Variants in KLHL6 observed in about 807,000 individuals in gnomAD.
KLHL6 encodes kelch-like protein 6.
A neutral mutation model predicts 58.6 loss-of-function variants in KLHL6; 41 were observed. The observed-to-expected ratio is 0.70, with a 90% confidence interval of 0.55 to 0.91. The LOEUF is 0.91. KLHL6 is among the 40% of genes least tolerant of loss of function. The pLI is 0.00. For missense variants in KLHL6, 714 were observed against 805.6 expected (o/e 0.89, Z 1.38); for synonymous variants, 338 against 322.7 (o/e 1.05, Z -0.51).
chr3:183,492,390 G>A lies in KLHL6; in HGVS notation c.1564+104C>T, dbSNP rs941907395. 7.3e-6 allele frequency: 10 copies of A among 1,366,514 alleles called. No homozygotes were observed. The highest frequency in any genetic ancestry group is 1.4e-5 in the African/African-American group (1 of 69,984). The allele number at this position is 1,366,514 out of a possible 1,614,324, so 84.6% of individuals were successfully genotyped here. On this transcript the variant is annotated intron_variant, in intron 6 of 6. Coordinates refer to ENST00000341319, the MANE Select transcript of KLHL6 (RefSeq NM_130446.4). The surrounding 1 kb of genome is among the most constrained non-coding windows in gnomAD (Gnocchi z 5.9). ...AAAGCCAGAGTGGGTCCTAGGGGCA[G>A]TGAGTTGCCAGCGCTGGAGACACCG...
At chr3:183,539,516 T>G (rs1032958732) in intron 1 of KLHL6, among the ~76,000 whole-genome samples, 1 of 152,056 alleles carries the variant, frequency 6.6e-6, no homozygotes, top group African/African-American at 2.4e-5. Flanking sequence ...AAGACCAGCC[T>G]GGCCAACACA....
At chr3:183,513,709 C>CTT (rs55646463) in intron 2 of KLHL6, among the ~76,000 whole-genome samples, 18 of 151,448 alleles carry the variant, frequency 1.2e-4, no homozygotes, top group African/African-American at 2.4e-4. Context: ...GCATGTATTT[C>CTT]TTTTTTTTTA....
intron 2 of KLHL6, among the ~76,000 whole-genome samples, chr3:183,512,711 G>A (rs1482203379): frequency 1.3e-5 from 2 of 151,984 alleles, no homozygotes; most frequent in Admixed American, 6.5e-5. Flanking sequence ...GGCTGGTCTC[G>A]AACTCCTGAC....
intron 1 of KLHL6, among the ~76,000 whole-genome samples, chr3:183,531,359 A>T (rs12493338): frequency 0.45 from 67,440 of 151,404 alleles, 17,358 homozygotes; most frequent in Non-Finnish European, 0.58. Flanking sequence ...GAAGCCTTGA[A>T]ATCTAATGGA....
intron 1 of KLHL6, among the ~76,000 whole-genome samples, chr3:183,548,183 T>C (rs1030866792): frequency 6.6e-6 from 1 of 152,166 alleles, no homozygotes; most frequent in Non-Finnish European, 1.5e-5. Flanking sequence ...TCTGAAAATA[T>C]ATGGGACCTC....
intron 1 of KLHL6, among the ~76,000 whole-genome samples, chr3:183,534,287 T>A (rs17670550): frequency 6.7e-4 from 101 of 151,136 alleles, no homozygotes; most frequent in Non-Finnish European, 1.3e-3. Flanking sequence ...CCTGGAGGAG[T>A]TGGAAGATCA....
intron 2 of KLHL6, among the ~76,000 whole-genome samples, chr3:183,519,435 T>C (rs1711669759): frequency 6.6e-6 from 1 of 152,140 alleles, no homozygotes; most frequent in African/African-American, 2.4e-5. Context: ...CCAGGACAGA[T>C]GCCTCTTTTT....
At chr3:183,501,879 T>C (rs1577178833) in intron 3 of KLHL6, among the ~76,000 whole-genome samples, 1 of 152,338 alleles carries the variant, frequency 6.6e-6, no homozygotes, top group Non-Finnish European at 1.5e-5. Context: ...GCCCTTTTCA[T>C]GCTTCATTGT....
chr3:183,534,172 C>CTTTAAT (rs1712284261), intron 1 of KLHL6, among the ~76,000 whole-genome samples: 1 of 22,338 alleles, frequency 4.5e-5, no homozygotes, highest in African/African-American at 2.1e-4. Context: ...AAAGACATTA[C>CTTTAAT]TTTAAAAGTA....
At position 183,508,357 on chromosome 3, in the gene KLHL6, A is replaced by G. The variant is rs1341305711; in HGVS notation, c.611T>C (p.Ile204Thr). 1.2e-6 allele frequency: 2 copies of G among 1,614,074 alleles called. No individual in the cohort carries two copies. The highest frequency in any genetic ancestry group is 1.3e-5 in the African/African-American group (1 of 74,924). ...QSYIIQNFVQ[I>T]LNSEEFLDLP... Reference sequence around the variant, plus strand: ...GTCAAGAAACTCCTCAGAGTTCAGAATCTGCACAAAGTTTTGAATGATGTA... The same window carrying G: ...GTCAAGAAACTCCTCAGAGTTCAGAGTCTGCACAAAGTTTTGAATGATGTA... Residue 204 changes from isoleucine (I) to threonine (T), a missense_variant, in exon 3 of 7, where the codon ATT becomes ACT. Ile to Thr is a moderately conservative substitution (Grantham distance 89). This residue lies in a region of KLHL6 where 510 missense variants were observed against 629.7 expected (regional missense o/e 0.81). Coordinates refer to ENST00000341319, the MANE Select transcript of KLHL6 (RefSeq NM_130446.4).
rs1717535852 is a variant in KLHL6 at position 183,491,047 on chromosome 3, G to A, written c.*880C>T. Reference sequence around the variant, plus strand: ...CACCTTTATTTCCCTGCTGTGCTGAGTGAATCTTTTAGCAGACTTGCCGAA... The same window carrying A: ...CACCTTTATTTCCCTGCTGTGCTGAATGAATCTTTTAGCAGACTTGCCGAA... On this transcript the variant is annotated 3_prime_UTR_variant, in exon 7 of 7. Coordinates refer to ENST00000341319, the MANE Select transcript of KLHL6 (RefSeq NM_130446.4). 1 of 152,222 alleles carries A rather than the reference G, an allele frequency of 6.6e-6. No homozygotes were observed. The highest frequency in any genetic ancestry group is 1.5e-5 in the Non-Finnish European group (1 of 68,048). 9.4% of individuals were successfully genotyped at this position (152,222 alleles called of 1,614,324 possible). A position where few individuals can be genotyped will look rare whatever the true frequency, so the allele number is the denominator to read the frequency against.
At position 183,487,797 on chromosome 3, in the gene KLHL6, A is replaced by G. The variant is rs1577169997; in HGVS notation, c.*4130T>C. On this transcript the variant is annotated 3_prime_UTR_variant, in exon 7 of 7. Coordinates refer to ENST00000341319, the MANE Select transcript of KLHL6 (RefSeq NM_130446.4). ...GGATTTCTAAAAGGTTAACTTGTCA[A>G]ATTATGAGATCTAATACAACACCCA... is the stretch of plus-strand genomic sequence containing the variant. 1 of 152,226 alleles carries G rather than the reference A, an allele frequency of 6.6e-6. No homozygotes were observed. Among genetic ancestry groups the G allele is most frequent in the African/African-American group, 2.4e-5 (1 of 41,460 alleles). 9.4% of individuals were successfully genotyped at this position (152,226 alleles called of 1,614,324 possible).
At chr3:183,542,868 A>T (rs1257909859) in intron 1 of KLHL6, among the ~76,000 whole-genome samples, 1 of 147,024 alleles carries the variant, frequency 6.8e-6, no homozygotes, top group Non-Finnish European at 1.5e-5. Flanking sequence ...GGATGGATGG[A>T]TGGATGGATG....
At chr3:183,504,921 A>G (rs1461618566) in intron 3 of KLHL6, among the ~76,000 whole-genome samples, 1 of 152,112 alleles carries the variant, frequency 6.6e-6, no homozygotes, top group Non-Finnish European at 1.5e-5. Context: ...TGTGTACTCA[A>G]TGTTTAGCTC....
At chr3:183,555,122 G>A (rs1042886090) in intron 1 of KLHL6, among the ~76,000 whole-genome samples, 4 of 151,986 alleles carry the variant, frequency 2.6e-5, no homozygotes, top group East Asian at 3.9e-4. Context: ...CCGAGATTGC[G>A]CCATTGCACT....
At chr3:183,551,756 T>C (rs2108701621) in intron 1 of KLHL6, among the ~76,000 whole-genome samples, 1 of 152,266 alleles carries the variant, frequency 6.6e-6, no homozygotes, top group South Asian at 2.1e-4. Context: ...AAATAGAAGT[T>C]GAAAGTGGTA....
chr3:183,518,815 G>A (rs1450656705), intron 2 of KLHL6, among the ~76,000 whole-genome samples: 2 of 152,116 alleles, frequency 1.3e-5, no homozygotes, highest in South Asian at 2.1e-4. Context: ...GTGAGAGAAC[G>A]GATGACAAAG....
chr3:183,497,249 C>CA (rs1325424460), intron 4 of KLHL6, among the ~76,000 whole-genome samples: 1 of 152,034 alleles, frequency 6.6e-6, no homozygotes, highest in Non-Finnish European at 1.5e-5. Flanking sequence ...CCCTCTCTAC[C>CA]AAAAATACAA....
In KLHL6 at chr3:183,492,113, G is replaced by C. The variant is rs770111088; in HGVS notation, c.1680C>G (p.Leu560=). ...SCGIAPCNNR[L]YITGGRDEKN... is the part of the protein sequence containing the mutation. ...TCTCGTCCCGCCCGCCGGTGATGTA[G>C]AGCCGGTTGTTGCAGGGCGCGATAC... Residue 560 remains leucine (L), a synonymous_variant, in exon 7 of 7, where the codon CTC becomes CTG. Transcript: ENST00000341319. This position sits in a 1 kb window ranked among gnomAD's most constrained non-coding sequence, Gnocchi z 5.9. 2.2e-5 allele frequency: 36 copies of C among 1,613,752 alleles called. No individual in the cohort carries two copies. The highest frequency in any genetic ancestry group is 1.6e-4 in the East Asian group (7 of 44,882).
Sources: gnomAD v4.1 joint callset for allele counts (sites outside exome capture counted in the v4.1 genomes callset) on GRCh38, gnomAD v4.1.1 for gene constraint, gnomAD v4.1.1 regional missense constraint, Gnocchi (gnomAD v3.1) non-coding constraint, MANE v1.5 for transcripts, NCBI Gene and HGNC (gene_info 2026-07-23, HGNC 2026-07-21) for gene names.